Variants in NRXN3 observed in about 807,000 individuals in gnomAD.
NRXN3 encodes the protein neurexin III.
A neutral mutation model predicts 137.6 loss-of-function variants in NRXN3; 32 were observed. The observed-to-expected ratio is 0.23, with a 90% confidence interval of 0.18 to 0.31. The LOEUF (loss-of-function observed/expected upper bound fraction) is 0.31. NRXN3 is among the 10% of genes least tolerant of loss of function. The probability of loss-of-function intolerance (pLI) is 1.00; values close to 1 mark genes in which losing one functional copy is unlikely to be tolerated. For synonymous variants in NRXN3, 798 were observed against 784.5 expected (o/e 1.02, Z -0.29); for missense variants, 1,574 against 2,062.5 (o/e 0.76, Z 4.59).
intron 4 of NRXN3, among the ~76,000 whole-genome samples, chr14:78,530,356 T>C (rs1400791032): frequency 1.3e-5 from 2 of 152,188 alleles, no homozygotes; most frequent in African/African-American, 4.8e-5. Context: ...GTGGTGAAAA[T>C]CACCCCCTTT....
chr14:79,531,481 G>A (rs2371101), intron 16 of NRXN3, among the ~76,000 whole-genome samples: 84,868 of 152,104 alleles, frequency 0.56, 26,926 homozygotes, highest in Non-Finnish European at 0.7. Flanking sequence ...AATAGGGATA[G>A]TGTTATGAGA....
At chr14:79,366,185 TG>T (rs2093886654) in intron 15 of NRXN3, among the ~76,000 whole-genome samples, 1 of 152,180 alleles carries the variant, frequency 6.6e-6, no homozygotes, top group Non-Finnish European at 1.5e-5. Context: ...TTTTTAATTA[TG>T]GGTACATAAT....
intron 15 of NRXN3, among the ~76,000 whole-genome samples, chr14:79,081,420 C>G (rs1020226429): frequency 1.3e-5 from 2 of 151,942 alleles, no homozygotes; most frequent in Non-Finnish European, 2.9e-5. Context: ...CCGAGACCAT[C>G]CTGACCAACA....
At chr14:79,242,468 T>A (rs2074459907) in intron 15 of NRXN3, among the ~76,000 whole-genome samples, 1 of 152,156 alleles carries the variant, frequency 6.6e-6, no homozygotes, top group Admixed American at 6.6e-5. Context: ...AAATAAATAA[T>A]TGCAGTAGCT....
At chr14:78,186,512 C>T (rs143777969) in intron 1 of NRXN3, among the ~76,000 whole-genome samples, 3 of 152,354 alleles carry the variant, frequency 2.0e-5, no homozygotes, top group East Asian at 3.9e-4. Context: ...TCTTCAGAAT[C>T]GCTGCGCTGG....
chr14:78,790,397 A>G (rs1427592439), intron 8 of NRXN3, among the ~76,000 whole-genome samples: 2 of 152,196 alleles, frequency 1.3e-5, no homozygotes, highest in African/African-American at 4.8e-5. Flanking sequence ...GAGAATGTGA[A>G]GTTAGTTTTC....
intron 16 of NRXN3, among the ~76,000 whole-genome samples, chr14:79,504,416 A>G (rs2096853153): frequency 1.3e-5 from 2 of 151,756 alleles, no homozygotes; most frequent in South Asian, 4.1e-4. Flanking sequence ...CCAAATTTTC[A>G]GAATTTTATC....
At chr14:78,848,306 T>C (rs1369335298) in intron 10 of NRXN3, among the ~76,000 whole-genome samples, 2 of 152,122 alleles carry the variant, frequency 1.3e-5, no homozygotes, top group Non-Finnish European at 1.5e-5. Context: ...GAGTGTTCCA[T>C]GTTCTGACAC....
chr14:78,980,255 G>T (rs2099486106), intron 14 of NRXN3, among the ~76,000 whole-genome samples: 1 of 152,190 alleles, frequency 6.6e-6, no homozygotes, highest in Admixed American at 6.5e-5. Context: ...AACTTGATAT[G>T]GCCTCCAGGC....
intron 15 of NRXN3, among the ~76,000 whole-genome samples, chr14:79,450,106 C>A (rs2096141013): frequency 6.6e-6 from 1 of 150,942 alleles, no homozygotes; most frequent in East Asian, 2.0e-4. Context: ...TCCACACATA[C>A]TCACTCCCTC....
intron 4 of NRXN3, among the ~76,000 whole-genome samples, chr14:78,448,203 C>T (rs1246381608): frequency 6.6e-6 from 1 of 152,140 alleles, no homozygotes; most frequent in Non-Finnish European, 1.5e-5. Flanking sequence ...CTAGTTTAGT[C>T]ATTTTTTTTA....
intron 10 of NRXN3, among the ~76,000 whole-genome samples, chr14:78,812,763 TTTCAA>T (rs2098918208): frequency 6.6e-6 from 1 of 152,230 alleles, no homozygotes; most frequent in South Asian, 2.1e-4. Context: ...ATATAACTGA[TTTCAA>T]TTCAATACTT....
chr14:79,683,385 T>C (rs2098680107), intron 17 of NRXN3, among the ~76,000 whole-genome samples: 1 of 152,122 alleles, frequency 6.6e-6, no homozygotes, highest in South Asian at 2.1e-4. Flanking sequence ...TTCTCTTGGA[T>C]AGCAATAGCA....
At chr14:78,251,435 T>G (rs1459716279) in intron 2 of NRXN3, among the ~76,000 whole-genome samples, 1 of 152,240 alleles carries the variant, frequency 6.6e-6, no homozygotes, top group Admixed American at 6.5e-5. Flanking sequence ...GTATTTGCAA[T>G]TTCTTTTTCT....
chr14:79,071,152 C>T (rs887526608), intron 15 of NRXN3, among the ~76,000 whole-genome samples: 2 of 151,964 alleles, frequency 1.3e-5, no homozygotes, highest in Admixed American at 6.6e-5. Flanking sequence ...GGTAGCCTCT[C>T]GGTTGTGCTA....
intron 16 of NRXN3, among the ~76,000 whole-genome samples, chr14:79,487,292 G>A (rs1457578652): frequency 6.6e-6 from 1 of 151,962 alleles, no homozygotes; most frequent in Non-Finnish European, 1.5e-5. Context: ...TTAAAGCACA[G>A]TCCTTCATAT....
At chr14:79,086,832 T>G (rs1451013911) in intron 15 of NRXN3, among the ~76,000 whole-genome samples, 4 of 152,328 alleles carry the variant, frequency 2.6e-5, no homozygotes, top group South Asian at 2.1e-4. Context: ...ATGTTCTTCA[T>G]GGAGATGACA....
intron 15 of NRXN3, among the ~76,000 whole-genome samples, chr14:79,382,343 G>T (rs1241087579): frequency 6.6e-6 from 1 of 152,164 alleles, no homozygotes; most frequent in Non-Finnish European, 1.5e-5. Context: ...CAGGACAATG[G>T]GCTGTCTACC....
intron 6 of NRXN3, among the ~76,000 whole-genome samples, chr14:78,685,944 C>T (rs1001849924): frequency 1.5e-4 from 23 of 151,822 alleles, no homozygotes; most frequent in African/African-American, 4.6e-4. Context: ...CCACCGCACC[C>T]GGCCATGTCA....
Sources: gnomAD v4.1 joint callset for allele counts (sites outside exome capture counted in the v4.1 genomes callset) on GRCh38, gnomAD v4.1.1 for gene constraint, MANE v1.5 for transcripts, NCBI Gene and HGNC (gene_info 2026-07-23, HGNC 2026-07-21) for gene names.